Variants in CRTAC1 observed in about 807,000 individuals in gnomAD.
The protein encoded by CRTAC1 is acidic secreted protein in cartilage.
In CRTAC1, 37 loss-of-function variants were observed where a neutral mutation model predicts 67.8. The observed-to-expected ratio is 0.55, with a 90% CI of 0.42 to 0.72. The LOEUF (loss-of-function observed/expected upper bound fraction) is 0.72. Ranked by LOEUF, CRTAC1 falls within the 30% of genes least tolerant of loss-of-function variation. The pLI is 0.00. For synonymous variants in CRTAC1, 348 were observed against 371.0 expected (o/e 0.94, Z 0.71); for missense variants, 780 against 931.6 (o/e 0.84, Z 2.12).
chr10:97,939,142 C>T (rs2051133643), intron 2 of CRTAC1, among the ~76,000 whole-genome samples: 1 of 152,156 alleles, frequency 6.6e-6, no homozygotes, highest in Admixed American at 6.5e-5. Flanking sequence ...TCTTCACCAC[C>T]CCCTGAAGCC....
At chr10:97,876,525 C>G (rs2050149326) in intron 14 of CRTAC1, among the ~76,000 whole-genome samples, 3 of 152,054 alleles carry the variant, frequency 2.0e-5, no homozygotes, top group Non-Finnish European at 4.4e-5. Flanking sequence ...ACTGGCCCAC[C>G]TTCCCACTGG....
rs1413000599 is a variant in CRTAC1 at position 98,029,793 on chromosome 10, T to C, written c.24+656A>G. Among the ~76,000 whole-genome samples, 2 of 152,278 alleles carry C rather than the reference T, an allele frequency of 1.3e-5. No homozygotes were observed. The highest frequency in any genetic ancestry group is 1.3e-4 in the Admixed American group (2 of 15,302). ...GTGCCCCCACGGGGTCGAGGAGGAC[T>C]CAGGGTTCCCCTGGAATGCCTGAAG... On this transcript the variant is annotated intron_variant, in intron 1 of 14. Transcript: ENST00000370597. This position sits in a 1 kb window ranked among gnomAD's most constrained non-coding sequence, Gnocchi z 4.7.
At chr10:97,991,849 T>G (rs1842465164) in intron 2 of CRTAC1, among the ~76,000 whole-genome samples, 1 of 152,248 alleles carries the variant, frequency 6.6e-6, no homozygotes, top group Non-Finnish European at 1.5e-5. Context: ...TTGATTTAGA[T>G]TTTAGATATA....
At chr10:98,011,875 C>T (rs756094382) in intron 1 of CRTAC1, among the ~76,000 whole-genome samples, 1 of 152,178 alleles carries the variant, frequency 6.6e-6, no homozygotes, top group Non-Finnish European at 1.5e-5. Flanking sequence ...GAATGAAGAA[C>T]CTAACAGCTC....
chr10:98,020,040 T>C (rs1199522525), intron 1 of CRTAC1, among the ~76,000 whole-genome samples: 2 of 152,198 alleles, frequency 1.3e-5, no homozygotes, highest in Admixed American at 6.5e-5. Context: ...TTCACAAATC[T>C]CTCTCAATCC....
intron 11 of CRTAC1, among the ~76,000 whole-genome samples, chr10:97,889,610 G>A (rs1590184790): frequency 6.6e-6 from 1 of 152,214 alleles, no homozygotes; most frequent in Middle Eastern, 3.4e-3. Context: ...GAGGGCCTGC[G>A]TCCTCTGGGT....
At chr10:98,004,911 A>G (rs1322896287) in intron 2 of CRTAC1, among the ~76,000 whole-genome samples, 6 of 151,154 alleles carry the variant, frequency 4.0e-5, no homozygotes, top group African/African-American at 9.7e-5. Flanking sequence ...TACATGACAT[A>G]GAAATTTCTG....
chr10:97,995,025 A>G (rs2136676740), intron 2 of CRTAC1, among the ~76,000 whole-genome samples: 1 of 152,354 alleles, frequency 6.6e-6, no homozygotes, highest in East Asian at 1.9e-4. Flanking sequence ...GATACTGTGT[A>G]GTTGTCCATG....
chr10:98,018,361 A>G (rs1362358859), intron 1 of CRTAC1, among the ~76,000 whole-genome samples: 1 of 152,064 alleles, frequency 6.6e-6, no homozygotes, highest in African/African-American at 2.4e-5. Flanking sequence ...CATCTGTACC[A>G]TGGAGATCGT....
At chr10:97,882,673 T>A in intron 13 of CRTAC1, 113 bp downstream of exon 13, 1 of 1,095,702 alleles carries the variant, frequency 9.1e-7, no homozygotes, top group Non-Finnish European at 1.4e-6. Flanking sequence ...CACCCTCCCC[T>A]GTCCTCCTTT....
chr10:98,009,868 T>C (rs1842873317), intron 2 of CRTAC1, among the ~76,000 whole-genome samples: 1 of 152,170 alleles, frequency 6.6e-6, no homozygotes, highest in Admixed American at 6.5e-5. Context: ...ATCTACTTAC[T>C]ATTTACTTAG....
intron 14 of CRTAC1, chr10:97,879,819 C>T (rs548518648): frequency 9.9e-5 from 82 of 826,844 alleles, no homozygotes; most frequent in East Asian, 5.6e-4. Flanking sequence ...AACGATGCGG[C>T]GGGGAGACAG....
At chr10:97,948,790 C>T (rs896480734) in intron 2 of CRTAC1, among the ~76,000 whole-genome samples, 3 of 152,202 alleles carry the variant, frequency 2.0e-5, no homozygotes, top group African/African-American at 7.2e-5. Context: ...TGAATTGACT[C>T]ACAGTTCCGC....
intron 1 of CRTAC1, 55 bp from the exon 2 acceptor site, chr10:98,011,392 G>A (rs902528822): frequency 2.7e-5 from 43 of 1,602,958 alleles, no homozygotes; most frequent in African/African-American, 1.2e-4. Context: ...AAGCAATCCC[G>A]GAACATTAAA....
At chr10:97,902,645 A>G (rs1219713094) in intron 7 of CRTAC1, among the ~76,000 whole-genome samples, 2 of 152,188 alleles carry the variant, frequency 1.3e-5, no homozygotes, top group African/African-American at 4.8e-5. Flanking sequence ...TTTTTCCCCT[A>G]AAGACCTTGG....
Position 97,904,543 on chromosome 10 carries a change from C to T in CRTAC1, c.996+126G>A, listed in dbSNP as rs760183735. ...CTCAAGATTCCTGTGCCTCAGCTAC[C>T]GGAGTAGCTGGGATTATAGGCACGC... On this transcript the variant is annotated intron_variant, in intron 7 of 14. Transcript: ENST00000370597. The T allele has an allele frequency of 4.9e-5, 40 of 819,032 alleles. No individual in the cohort carries two copies. In the Middle Eastern group the frequency reaches 1.1e-3, roughly 22 times the overall value. 50.7% of individuals were successfully genotyped at this position (819,032 alleles called of 1,614,324 possible).
Position 97,895,731 on chromosome 10 carries a change from G to C in CRTAC1, c.1317+154C>G, listed in dbSNP as rs938842384. Among the ~76,000 whole-genome samples the C allele has an allele frequency of 6.6e-6, 1 of 152,062 alleles. No homozygotes were observed. Among genetic ancestry groups the C allele is most frequent in the Admixed American group, 6.6e-5 (1 of 15,266 alleles). ...AAGGCGGCCCTTCCTGAGCTTCCCG[G>C]TGCTGCTGGAATTTACTTCCCTCCT... On this transcript the variant is annotated intron_variant, in intron 10 of 14. Coordinates refer to ENST00000370597, the MANE Select transcript of CRTAC1 (RefSeq NM_018058.7). The surrounding 1 kb of genome is among the most constrained non-coding windows in gnomAD (Gnocchi z 4.2).
chr10:97,935,429 AGT>A (rs887464494), intron 3 of CRTAC1, among the ~76,000 whole-genome samples: 3 of 152,164 alleles, frequency 2.0e-5, no homozygotes, highest in Non-Finnish European at 4.4e-5. Context: ...TGTTACTCAA[AGT>A]GTGGTCCCTG....
chr10:97,924,350 A>G (rs757730015), intron 3 of CRTAC1, among the ~76,000 whole-genome samples: 6 of 152,200 alleles, frequency 3.9e-5, no homozygotes, highest in Admixed American at 6.5e-5. Flanking sequence ...CTGGACAGGA[A>G]ACACAGGGAG....
Sources: gnomAD v4.1 joint callset for allele counts (sites outside exome capture counted in the v4.1 genomes callset) on GRCh38, gnomAD v4.1.1 for gene constraint, Gnocchi (gnomAD v3.1) non-coding constraint, MANE v1.5 for transcripts, NCBI Gene and HGNC (gene_info 2026-07-23, HGNC 2026-07-21) for gene names.